The following ELP4 variants were observed in gnomAD, a reference collection of about 807,000 sequenced individuals.
The protein encoded by ELP4 is elongator acetyltransferase complex subunit 4.
Under a neutral mutation model 48.9 loss-of-function variants are expected in ELP4, and 51 were observed. The ratio of observed to expected loss-of-function variants is 1.04; its 90% confidence interval spans 0.83 to 1.32. ELP4 has a LOEUF of 1.32. Ranked by LOEUF, ELP4 falls within the 40% of genes most tolerant of loss-of-function variation. ELP4 has a pLI of 0.00. For missense variants in ELP4, 519 were observed against 514.6 expected (o/e 1.01, Z -0.08); for synonymous variants, 210 against 189.2 (o/e 1.11, Z -0.90).
chr11:31,783,238 C>A, intron 9 of ELP4, 155 bp from the exon 10 acceptor site: 3 of 602,122 alleles, frequency 5.0e-6, no homozygotes, highest in Non-Finnish European at 8.4e-6. Flanking sequence ...TACTGGAATT[C>A]AGTCTGAAGA....
At chr11:31,636,911 T>A (rs1174681810) in intron 7 of ELP4, among the ~76,000 whole-genome samples, 1 of 151,996 alleles carries the variant, frequency 6.6e-6, no homozygotes, top group Non-Finnish European at 1.5e-5. Context: ...ATGCATATAA[T>A]CTTAAACAAT....
chr11:31,731,944 T>C (rs1173688743), intron 9 of ELP4, among the ~76,000 whole-genome samples: 2 of 151,986 alleles, frequency 1.3e-5, no homozygotes, highest in Admixed American at 1.3e-4. Flanking sequence ...CAACAAAGAA[T>C]AGTATCTCTG....
At chr11:31,532,549 C>T (rs1379258403) in intron 2 of ELP4, among the ~76,000 whole-genome samples, 1 of 151,992 alleles carries the variant, frequency 6.6e-6, no homozygotes, top group African/African-American at 2.4e-5. Context: ...GTACATATCC[C>T]TACTTTAAGT....
chr11:31,574,649 CACTGGTGAT>C (rs1957241899), intron 3 of ELP4, among the ~76,000 whole-genome samples: 1 of 152,184 alleles, frequency 6.6e-6, no homozygotes, highest in South Asian at 2.1e-4. Context: ...CTACAGCCTC[CACTGGTGAT>C]ACTCAGGCAA....
Position 31,684,278 on chromosome 11 carries a change from C to G in ELP4, c.1143+34057C>G, listed in dbSNP as rs940434934. Among the ~76,000 whole-genome samples, 8 of 152,140 alleles carry G rather than the reference C, an allele frequency of 5.3e-5. No individual in the cohort carries two copies. In the East Asian group the frequency reaches 1.5e-3, roughly 29 times the overall value. ...CTGGAGTGCAGTGGATCAATCTTGG[C>G]TCACTGCAACCTCCACCTTAGGGAT... On this transcript the variant is annotated intron_variant, in intron 9 of 9. Coordinates refer to ENST00000640961, the MANE Select transcript of ELP4 (RefSeq NM_019040.5).
chr11:31,752,158 A>T (rs964753006), intron 9 of ELP4, among the ~76,000 whole-genome samples: 6 of 152,236 alleles, frequency 3.9e-5, no homozygotes, highest in Non-Finnish European at 8.8e-5. Flanking sequence ...ATTCACACAC[A>T]CACTCACACA....
chr11:31,716,009 GGTTTGTTT>G (rs577865268), intron 9 of ELP4, among the ~76,000 whole-genome samples: 2 of 152,124 alleles, frequency 1.3e-5, no homozygotes, highest in African/African-American at 4.8e-5. Context: ...AGTACAAGGA[GGTTTGTTT>G]GTTTGTTTGT....
intron 9 of ELP4, among the ~76,000 whole-genome samples, chr11:31,750,974 G>C (rs943936657): frequency 6.6e-6 from 1 of 152,108 alleles, no homozygotes; most frequent in Non-Finnish European, 1.5e-5. Context: ...AATTCTTCAG[G>C]CTCCAGTATT....
chr11:31,599,510 CACACACACACACAA>C (rs1957740013), intron 4 of ELP4: 1 of 21,532 alleles, frequency 4.6e-5, no homozygotes, highest in African/African-American at 6.3e-5. Flanking sequence ...CACACACACA[CACACACACACACAA>C]AAAAAAAAAA....
chr11:31,742,954 G>T (rs1218487126), intron 9 of ELP4, among the ~76,000 whole-genome samples: 4 of 152,080 alleles, frequency 2.6e-5, no homozygotes, highest in Non-Finnish European at 5.9e-5. Context: ...ACACAGACTG[G>T]CAAAATGGAT....
At chr11:31,752,792 C>G (rs998491719) in intron 9 of ELP4, among the ~76,000 whole-genome samples, 1 of 150,364 alleles carries the variant, frequency 6.7e-6, no homozygotes, top group Non-Finnish European at 1.5e-5. Context: ...TGGGATCGCG[C>G]CACTGAACTC....
chr11:31,522,207 T>C (rs1956224768), intron 2 of ELP4, among the ~76,000 whole-genome samples: 2 of 152,182 alleles, frequency 1.3e-5, no homozygotes, highest in Admixed American at 1.3e-4. Flanking sequence ...TTTAAGACTA[T>C]ATCTTATGGT....
chr11:31,660,025 T>G (rs1447325502), intron 9 of ELP4, among the ~76,000 whole-genome samples: 1 of 152,166 alleles, frequency 6.6e-6, no homozygotes, highest in Admixed American at 6.6e-5. Context: ...TGAACTATCT[T>G]TGTTTCCAAA....
intron 9 of ELP4, among the ~76,000 whole-genome samples, chr11:31,683,615 A>G (rs542047389): frequency 1.9e-4 from 29 of 152,204 alleles, no homozygotes; most frequent in Non-Finnish European, 4.0e-4. Context: ...TTAATGTTCT[A>G]GATGAAATAA....
intron 9 of ELP4, among the ~76,000 whole-genome samples, chr11:31,740,156 T>C (rs966911070): frequency 1.3e-5 from 2 of 152,230 alleles, no homozygotes; most frequent in African/African-American, 4.8e-5. Context: ...GTTCGTCAGA[T>C]AATTTCCAGA....
At position 31,600,306 on chromosome 11, in the gene ELP4, A is replaced by G. The variant is rs866199660; in HGVS notation, c.514-3462A>G. The G allele has an allele frequency of 2.0e-5, 3 of 152,240 alleles. No homozygotes were observed. The South Asian group carries it at 6.2e-4, about 32-fold the overall frequency. The allele number at this position is 152,240 out of a possible 1,614,324, so 9.4% of individuals were successfully genotyped here. A position where few individuals can be genotyped will look rare whatever the true frequency, so the allele number is the denominator to read the frequency against. Reference sequence around the variant, plus strand: ...TCAACCACTATTCCTGACTCACTCCATGAATTGCTAGCCGACAGTATATTC... The same window carrying G: ...TCAACCACTATTCCTGACTCACTCCGTGAATTGCTAGCCGACAGTATATTC... On this transcript the variant is annotated intron_variant, in intron 4 of 9. Coordinates refer to ENST00000640961, the MANE Select transcript of ELP4 (RefSeq NM_019040.5).
chr11:31,709,228 T>C (rs2134168814), intron 9 of ELP4, among the ~76,000 whole-genome samples: 1 of 152,260 alleles, frequency 6.6e-6, no homozygotes, highest in East Asian at 1.9e-4. Flanking sequence ...GCATACGACC[T>C]GGTGTCAGTT....
chr11:31,558,142 CTT>C (rs560375572), intron 3 of ELP4, among the ~76,000 whole-genome samples: 1 of 146,336 alleles, frequency 6.8e-6, no homozygotes, highest in Non-Finnish European at 1.5e-5. Context: ...GGGTTTCACT[CTT>C]TTTTTTTTTC....
At chr11:31,621,934 C>T (rs61878518) in intron 5 of ELP4, among the ~76,000 whole-genome samples, 7 of 151,724 alleles carry the variant, frequency 4.6e-5, no homozygotes, top group East Asian at 1.9e-4. Flanking sequence ...CGTTTGTGTC[C>T]CTTAATTGTC....
Sources: gnomAD v4.1 joint callset for allele counts (sites outside exome capture counted in the v4.1 genomes callset) on GRCh38, gnomAD v4.1.1 for gene constraint, MANE v1.5 for transcripts, NCBI Gene and HGNC (gene_info 2026-07-23, HGNC 2026-07-21) for gene names.